The following PPP1R9A variants were observed in gnomAD, a reference collection of about 807,000 sequenced individuals.
PPP1R9A encodes protein phosphatase 1 regulatory subunit 9A.
A neutral mutation model predicts 141.9 loss-of-function variants in PPP1R9A; 59 were observed. The observed-to-expected ratio is 0.42, with a 90% confidence interval of 0.34 to 0.52. The LOEUF (loss-of-function observed/expected upper bound fraction) is 0.52, where lower values mean the gene tolerates loss of function less well. Among genes scored for constraint, PPP1R9A ranks in the 20% least tolerant of loss-of-function variants. The pLI, the probability that PPP1R9A is intolerant of heterozygous loss-of-function variation, is 0.10. For missense variants in PPP1R9A, 1,444 were observed against 1,611.9 expected, an observed-to-expected ratio of 0.90 and a Z score of 1.78; for synonymous variants, 500 against 569.7, an observed-to-expected ratio of 0.88 and a Z score of 1.74.
chr7:94,962,430 T>A (rs910952197), intron 2 of PPP1R9A, among the ~76,000 whole-genome samples: 2 of 151,950 alleles, frequency 1.3e-5, no homozygotes, highest in African/African-American at 4.8e-5. Context: ...ACTCAGAATT[T>A]TGTAAAATAT....
chr7:94,938,519 C>T (rs1795006991), intron 2 of PPP1R9A, among the ~76,000 whole-genome samples: 1 of 151,728 alleles, frequency 6.6e-6, no homozygotes, highest in African/African-American at 2.4e-5. Flanking sequence ...AAAAAGTGTT[C>T]CTAATTTACC....
At position 95,129,322 on chromosome 7, in the gene PPP1R9A, T is replaced by G. The variant is rs139298832; in HGVS notation, c.1649+8490T>G. 7.7e-3 allele frequency among the ~76,000 whole-genome samples: 1,171 copies of G among 152,270 alleles called. 28 individuals carry two copies. Among genetic ancestry groups the G allele is most frequent in the Admixed American group, 0.041 (624 of 15,298 alleles). Reference sequence around the variant, plus strand: ...GATAGTGAATGAACCTCATGAGATCTGATGATTTTAAAAAGGAGAGATTCT... The same window carrying G: ...GATAGTGAATGAACCTCATGAGATCGGATGATTTTAAAAAGGAGAGATTCT... On this transcript the variant is annotated intron_variant, in intron 4 of 19. Coordinates refer to ENST00000433360, the MANE Select transcript of PPP1R9A (RefSeq NM_001166160.2).
At chr7:95,074,885 A>T (rs1410053276) in intron 2 of PPP1R9A, among the ~76,000 whole-genome samples, 1 of 152,146 alleles carries the variant, frequency 6.6e-6, no homozygotes, top group Non-Finnish European at 1.5e-5. Context: ...TTAATTTTTA[A>T]GTTTTAATAA....
At chr7:95,079,964 A>G (rs918915674) in intron 2 of PPP1R9A, among the ~76,000 whole-genome samples, 3 of 152,180 alleles carry the variant, frequency 2.0e-5, no homozygotes, top group Non-Finnish European at 2.9e-5. Flanking sequence ...ATCTATGACA[A>G]ACCCACAGCC....
chr7:94,934,332 A>G (rs927043010), intron 2 of PPP1R9A, among the ~76,000 whole-genome samples: 1 of 152,188 alleles, frequency 6.6e-6, no homozygotes, highest in African/African-American at 2.4e-5. Context: ...CAATTTAGAC[A>G]TCAAACACTT....
chr7:95,075,845 A>G (rs915224940), intron 2 of PPP1R9A, among the ~76,000 whole-genome samples: 1 of 152,038 alleles, frequency 6.6e-6, no homozygotes, highest in East Asian at 1.9e-4. Context: ...TCAAAAAAAA[A>G]TGTATGGAGA....
At chr7:95,093,919 T>C (rs778889649) in intron 2 of PPP1R9A, among the ~76,000 whole-genome samples, 13 of 152,180 alleles carry the variant, frequency 8.5e-5, no homozygotes, top group Admixed American at 2.0e-4. Context: ...ACCTTAAATG[T>C]TTCACTGACA....
intron 7 of PPP1R9A, among the ~76,000 whole-genome samples, chr7:95,212,865 G>A (rs1792427021): frequency 6.6e-6 from 1 of 152,178 alleles, no homozygotes; most frequent in Admixed American, 6.5e-5. Flanking sequence ...AACCAGTTGG[G>A]TCTGGGAGCC....
chr7:95,069,068 T>C (rs1210788298), intron 2 of PPP1R9A, among the ~76,000 whole-genome samples: 1 of 152,174 alleles, frequency 6.6e-6, no homozygotes, highest in African/African-American at 2.4e-5. Context: ...GTGATGTAAA[T>C]GCTGTGTAAA....
chr7:95,241,502 G>C (rs184270898), intron 8 of PPP1R9A, among the ~76,000 whole-genome samples: 1 of 152,026 alleles, frequency 6.6e-6, no homozygotes, highest in Non-Finnish European at 1.5e-5. Flanking sequence ...TTTAGTTGTG[G>C]TGTTCATTTT....
chr7:95,074,988 T>A (rs1269448532), intron 2 of PPP1R9A, among the ~76,000 whole-genome samples: 2 of 152,208 alleles, frequency 1.3e-5, no homozygotes, highest in Admixed American at 6.5e-5. Flanking sequence ...TGTATTTTTT[T>A]CTCATGAACT....
chr7:94,942,008 A>G (rs184227592), intron 2 of PPP1R9A, among the ~76,000 whole-genome samples: 8 of 152,204 alleles, frequency 5.3e-5, no homozygotes, highest in Admixed American at 5.2e-4. Flanking sequence ...CACATGAAAT[A>G]TATATATGAA....
At chr7:94,999,777 TTTTATTTATTTATTTATTTA>T (rs34600036) in intron 2 of PPP1R9A, among the ~76,000 whole-genome samples, 2 of 141,304 alleles carry the variant, frequency 1.4e-5, no homozygotes, top group African/African-American at 5.4e-5. Context: ...AGATATCTTA[TTTTATTTATTTATTTATTTA>T]TTTATTTATT....
chr7:94,976,091 G>A (rs556313526), intron 2 of PPP1R9A, among the ~76,000 whole-genome samples: 32 of 152,154 alleles, frequency 2.1e-4, no homozygotes, highest in Non-Finnish European at 3.8e-4. Flanking sequence ...TTGATTAACA[G>A]AGTTAATCAC....
intron 2 of PPP1R9A, among the ~76,000 whole-genome samples, chr7:95,034,307 CATA>C (rs1373501411): frequency 4.6e-5 from 7 of 151,844 alleles, no homozygotes; most frequent in South Asian, 2.1e-4. Context: ...TATCAATAAA[CATA>C]ATAACATTTT....
intron 2 of PPP1R9A, among the ~76,000 whole-genome samples, chr7:95,017,101 A>C (rs1246162801): frequency 6.6e-6 from 1 of 152,086 alleles, no homozygotes; most frequent in East Asian, 1.9e-4. Flanking sequence ...AAGCTAGAAG[A>C]GGGAAGGAAG....
At chr7:95,131,221 A>C (rs1824546878) in intron 4 of PPP1R9A, among the ~76,000 whole-genome samples, 1 of 152,146 alleles carries the variant, frequency 6.6e-6, no homozygotes, top group African/African-American at 2.4e-5. Flanking sequence ...TGTTGTCGTG[A>C]CAGTGAATGA....
At chr7:95,180,816 G>T (rs1466195712) in intron 5 of PPP1R9A, among the ~76,000 whole-genome samples, 1 of 151,996 alleles carries the variant, frequency 6.6e-6, no homozygotes, top group Non-Finnish European at 1.5e-5. Context: ...CAAAACCACA[G>T]TGTGATACCA....
chr7:95,282,142 AT>A (rs953333166), intron 16 of PPP1R9A, among the ~76,000 whole-genome samples: 2 of 122,632 alleles, frequency 1.6e-5, no homozygotes, highest in African/African-American at 3.6e-5. Flanking sequence ...CAGGAGGTCA[AT>A]AGCATAATAA....
Sources: gnomAD v4.1 joint callset for allele counts (sites outside exome capture counted in the v4.1 genomes callset) on GRCh38, gnomAD v4.1.1 for gene constraint, MANE v1.5 for transcripts, NCBI Gene and HGNC (gene_info 2026-07-23, HGNC 2026-07-21) for gene names.